ZFR: variants seen among roughly 807,000 people sequenced by gnomAD.
The protein encoded by ZFR is zinc finger RNA binding protein, also known as zinc finger RNA-binding protein.
ZFR carries 19 observed loss-of-function variants against 130.7 expected under a neutral mutation model. That is an observed-to-expected ratio of 0.15 (90% CI 0.10 to 0.21). The LOEUF (loss-of-function observed/expected upper bound fraction) is 0.21. Among genes scored for constraint, ZFR ranks in the 10% least tolerant of loss-of-function variants. ZFR has a pLI of 1.00. For synonymous variants in ZFR, 466 were observed against 456.9 expected (o/e 1.02, Z -0.25); for missense variants, 872 against 1,321.5 (o/e 0.66, Z 5.27).
intron 5 of ZFR, among the ~76,000 whole-genome samples, chr5:32,407,240 A>T (rs1753597599): frequency 6.6e-6 from 1 of 151,932 alleles, no homozygotes; most frequent in Non-Finnish European, 1.5e-5. Flanking sequence ...ATAGAGGTAT[A>T]AAGACAGTGT....
At chr5:32,404,302 C>G (rs1753531965) in intron 6 of ZFR, among the ~76,000 whole-genome samples, 1 of 152,156 alleles carries the variant, frequency 6.6e-6, no homozygotes, top group Non-Finnish European at 1.5e-5. Context: ...TTATCTAACA[C>G]TGAGTTACAA....
At chr5:32,416,964 C>A (rs1185174549) in intron 4 of ZFR, among the ~76,000 whole-genome samples, 1 of 149,826 alleles carries the variant, frequency 6.7e-6, no homozygotes, top group Non-Finnish European at 1.5e-5. Context: ...GCACAACATG[C>A]AGGTTTGTTA....
chr5:32,387,469 T>G, intron 14 of ZFR, 80 bp downstream of exon 14: 1 of 1,544,564 alleles, frequency 6.5e-7, no homozygotes, highest in Non-Finnish European at 8.8e-7. Flanking sequence ...TGGCTTAGGT[T>G]TAAACCGAAG....
chr5:32,380,231 A>G, intron 15 of ZFR, 59 bp from the exon 16 acceptor site: 1 of 1,320,432 alleles, frequency 7.6e-7, no homozygotes, highest in Non-Finnish European at 1.1e-6. Flanking sequence ...CAGGTGAGCA[A>G]GACACTTCCT....
intron 15 of ZFR, among the ~76,000 whole-genome samples, chr5:32,381,060 A>G (rs571959500): frequency 2.0e-5 from 3 of 152,120 alleles, no homozygotes; most frequent in South Asian, 4.1e-4. Context: ...AGTATTTCAA[A>G]AAATGATAAA....
intron 2 of ZFR, among the ~76,000 whole-genome samples, chr5:32,429,376 A>G (rs1478377120): frequency 6.6e-6 from 1 of 152,172 alleles, no homozygotes; most frequent in Non-Finnish European, 1.5e-5. Flanking sequence ...CTTTCCTGAC[A>G]GTTCTTAGGC....
At position 32,390,329 on chromosome 5, in the gene ZFR, T is replaced by G; in HGVS notation, c.2088A>C (p.Pro696=). The change falls in exon 12 of 20, where the codon CCA becomes CCC. Residue 696 remains proline (P), a synonymous_variant. Coordinates refer to ENST00000265069, the MANE Select transcript of ZFR (RefSeq NM_016107.5). ...DGGYPHGPPG[P]LGLLGVRPGM... is the part of the protein sequence containing the mutation. Reference sequence around the variant, plus strand: ...CTGGTCGGACTCCCAGAAGGCCTAATGGGCCTGGAGGACCATGAGGATAAC... The same window carrying G: ...CTGGTCGGACTCCCAGAAGGCCTAAGGGGCCTGGAGGACCATGAGGATAAC... 1 of 1,614,180 alleles carries G rather than the reference T, an allele frequency of 6.2e-7. No individual in the cohort carries two copies. The highest frequency in any genetic ancestry group is 8.5e-7 in the Non-Finnish European group (1 of 1,180,018).
At chr5:32,374,378 C>T (rs1290673222) in intron 17 of ZFR, among the ~76,000 whole-genome samples, 1 of 152,050 alleles carries the variant, frequency 6.6e-6, no homozygotes, top group Non-Finnish European at 1.5e-5. Context: ...TGGTGCATGC[C>T]TGTAATCCTA....
rs1017500378 is a variant in ZFR at position 32,444,501 on chromosome 5, C to T, written c.37+121G>A. Reference sequence around the variant, plus strand: ...CCCGCCTCGCACTCCCTCACTCACTCGCACGCCCGGGTGGCGGCCGCCGCC... The same window carrying T: ...CCCGCCTCGCACTCCCTCACTCACTTGCACGCCCGGGTGGCGGCCGCCGCC... On this transcript the variant is annotated intron_variant, in intron 1 of 19. Transcript: ENST00000265069. The T allele has an allele frequency of 3.8e-6, 5 of 1,318,460 alleles. No individual in the cohort carries two copies. The South Asian group carries it at 5.3e-5, about 14-fold the overall frequency. 81.7% of individuals were successfully genotyped at this position (1,318,460 alleles called of 1,614,324 possible).
chr5:32,425,472 T>C (rs1754051980), intron 2 of ZFR, among the ~76,000 whole-genome samples: 1 of 152,240 alleles, frequency 6.6e-6, no homozygotes, highest in Non-Finnish European at 1.5e-5. Flanking sequence ...ATGCCTCTCA[T>C]CTCACTGTTT....
chr5:32,379,484 G>T, intron 16 of ZFR: 9 of 157,202 alleles, frequency 5.7e-5, no homozygotes, highest in East Asian at 1.1e-4. Context: ...ATTTAAAACA[G>T]TAAACTTAAA....
At chr5:32,370,961 A>C (rs549963118) in intron 17 of ZFR, among the ~76,000 whole-genome samples, 53 of 152,378 alleles carry the variant, frequency 3.5e-4, no homozygotes, top group African/African-American at 1.2e-3. Flanking sequence ...AAAATTAAAC[A>C]TAATACAGTT....
rs191068890 is a variant in ZFR, at chr5:32,404,887, G to A, written c.1033-790C>T. ...GCTTCAGTGCGGTGGCACAATCTTG[G>A]GTCACCGCAATCTCCACCTCCCAGG... On this transcript the variant is annotated intron_variant, in intron 6 of 19. Transcript: ENST00000265069. 2.6e-3 allele frequency among the ~76,000 whole-genome samples: 396 copies of A among 152,110 alleles called. 13 individuals carry two copies. Among genetic ancestry groups the A allele is most frequent in the Admixed American group, 0.022 (343 of 15,276 alleles).
intron 19 of ZFR, among the ~76,000 whole-genome samples, chr5:32,363,218 C>CT (rs1421801144): frequency 6.6e-6 from 1 of 152,152 alleles, no homozygotes; most frequent in Non-Finnish European, 1.5e-5. Flanking sequence ...AGCTAGTATG[C>CT]TTTTTTCCCC....
intron 17 of ZFR, among the ~76,000 whole-genome samples, chr5:32,371,727 G>A (rs567945034): frequency 6.6e-6 from 1 of 151,668 alleles, no homozygotes; most frequent in African/African-American, 2.4e-5. Flanking sequence ...AAGAACAGAA[G>A]CAATCAGGAA....
intron 11 of ZFR, chr5:32,394,496 C>T (rs1285621702): frequency 6.0e-6 from 1 of 166,052 alleles, no homozygotes; most frequent in East Asian, 1.9e-4. Context: ...TATGAAATCT[C>T]TAGAATAGGC....
Position 32,390,488 on chromosome 5 carries a change from A to C in ZFR, c.1980-51T>G, listed in dbSNP as rs2111737010. On this transcript the variant is annotated intron_variant, in intron 11 of 19. Transcript: ENST00000265069. ...AGCATATGAGGAAAAATACAGCCCA[A>C]GAACTTGCATCAATAGTGACATAAA... 3.3e-6 allele frequency: 5 copies of C among 1,534,794 alleles called. No individual in the cohort carries two copies. In the East Asian group the frequency reaches 1.1e-4, roughly 35 times the overall value.
At chr5:32,365,484 G>C (rs1242276062) in intron 17 of ZFR, among the ~76,000 whole-genome samples, 1 of 152,056 alleles carries the variant, frequency 6.6e-6, no homozygotes, top group Non-Finnish European at 1.5e-5. Flanking sequence ...AATATTAATA[G>C]TGATAAATGT....
At position 32,387,560 on chromosome 5, in the gene ZFR, T is replaced by C. The variant is rs372096667; in HGVS notation, c.2488A>G (p.Lys830Glu). Residue 830 changes from lysine to glutamate, a missense_variant, in exon 14 of 20, where the codon AAA becomes GAA. By Grantham distance (56) the Lys-to-Glu change is moderately conservative. Transcript: ENST00000265069. ...LLSRIAENLP[K>E]QLAVISPEKY... Reference sequence around the variant, plus strand: ...TCCATAATACTTACAGCAAGCTGTTTGGGTAGGTTTTCTGCAATACGGCTT... The same window carrying C: ...TCCATAATACTTACAGCAAGCTGTTCGGGTAGGTTTTCTGCAATACGGCTT... The C allele has an allele frequency of 9.3e-6, 15 of 1,612,526 alleles. No individual in the cohort carries two copies. Among genetic ancestry groups the C allele is most frequent in the Middle Eastern group, 3.3e-4 (2 of 6,056 alleles).
Sources: gnomAD v4.1 joint callset for allele counts (sites outside exome capture counted in the v4.1 genomes callset) on GRCh38, gnomAD v4.1.1 for gene constraint, MANE v1.5 for transcripts, NCBI Gene and HGNC (gene_info 2026-07-23, HGNC 2026-07-21) for gene names.